Variants in STEAP3 observed in about 807,000 individuals in gnomAD.
The protein encoded by STEAP3 is STEAP3 metalloreductase, also known as metalloreductase STEAP3.
A neutral mutation model predicts 34.9 loss-of-function variants in STEAP3; 35 were observed. The ratio of observed to expected loss-of-function variants is 1.00; its 90% CI spans 0.76 to 1.33. The LOEUF (loss-of-function observed/expected upper bound fraction) is 1.33. Ranked by LOEUF, STEAP3 falls within the 40% of genes most tolerant of loss-of-function variation. The pLI is 0.00. For synonymous variants in STEAP3, 281 were observed against 301.6 expected, an observed-to-expected ratio of 0.93 and a Z score of 0.71; for missense variants, 652 against 667.6, an observed-to-expected ratio of 0.98 and a Z score of 0.26.
At chr2:119,243,824 C>T (rs993699889) in intron 2 of STEAP3, among the ~76,000 whole-genome samples, 2 of 152,194 alleles carry the variant, frequency 1.3e-5, no homozygotes, top group African/African-American at 2.4e-5. Flanking sequence ...CTCCTGGTTC[C>T]CCTGCCCCAT....
At chr2:119,227,022 A>G (rs1049842269) in intron 1 of STEAP3, among the ~76,000 whole-genome samples, 1 of 152,088 alleles carries the variant, frequency 6.6e-6, no homozygotes, top group African/African-American at 2.4e-5. Context: ...ACAAACACTT[A>G]CCGAGCACTA....
intron 5 of STEAP3, chr2:119,257,770 T>C: frequency 7.6e-7 from 1 of 1,311,842 alleles, no homozygotes; most frequent in Non-Finnish European, 9.7e-7. Context: ...TACACACATG[T>C]CCACAGCAGA....
chr2:119,234,825 C>T (rs1677048833), intron 2 of STEAP3, among the ~76,000 whole-genome samples: 1 of 152,220 alleles, frequency 6.6e-6, no homozygotes, highest in African/African-American at 2.4e-5. Context: ...CCCCACCCGC[C>T]TCCGCTGCTT....
In STEAP3 at chr2:119,254,248, C is replaced by T. The variant is rs143404486; in HGVS notation, c.1051-436C>T. Among the ~76,000 whole-genome samples, 10 of 152,010 alleles carry T rather than the reference C, an allele frequency of 6.6e-5. No homozygotes were observed. In the South Asian group the frequency reaches 1.9e-3, roughly 29 times the overall value. On this transcript the variant is annotated intron_variant, in intron 4 of 5. Coordinates refer to ENST00000393110, the MANE Select transcript of STEAP3 (RefSeq NM_182915.3). ...CTCTCCTGTCCTGGGATTCTGGGGC[C>T]GGAAAACCGTGAGACGGAGCCATGC...
intron 2 of STEAP3, among the ~76,000 whole-genome samples, chr2:119,231,454 AT>A (rs1224926126): frequency 6.6e-6 from 1 of 151,422 alleles, no homozygotes; most frequent in Non-Finnish European, 1.5e-5. Context: ...AATTTTTCTT[AT>A]TGGTAACCAT....
At chr2:119,260,329 T>TG (rs1677904304) in intron 5 of STEAP3, among the ~76,000 whole-genome samples, 1 of 151,544 alleles carries the variant, frequency 6.6e-6, no homozygotes, top group Non-Finnish European at 1.5e-5. Context: ...TCTTTTTTTT[T>TG]GAGACGGAAT....
intron 5 of STEAP3, among the ~76,000 whole-genome samples, chr2:119,261,957 C>T (rs537214569): frequency 1.3e-5 from 2 of 152,310 alleles, no homozygotes; most frequent in East Asian, 3.9e-4. Flanking sequence ...CTTCTCCCAA[C>T]GGTCACTAAT....
At chr2:119,245,434 C>T in intron 2 of STEAP3, 55 bp from the exon 3 acceptor site, 4 of 1,520,524 alleles carry the variant, frequency 2.6e-6, no homozygotes, top group Non-Finnish European at 2.6e-6. Context: ...AGGGAGGTGG[C>T]AGAAGGGGCA....
rs962664657 is a variant in STEAP3, at chr2:119,257,698, A to C, written c.1215+2850A>C. ...CATGCTGGCTTTTGAGGTAAGCTGCAACCTTCTCCTTTAAAGTTAGCGTGG... is the reference window on the plus strand; with the variant it reads ...CATGCTGGCTTTTGAGGTAAGCTGCCACCTTCTCCTTTAAAGTTAGCGTGG... On this transcript the variant is annotated intron_variant, in intron 5 of 5. Coordinates refer to ENST00000393110, the MANE Select transcript of STEAP3 (RefSeq NM_182915.3). The C allele has an allele frequency of 5.0e-6, 7 of 1,410,542 alleles. No homozygotes were observed. The Admixed American group carries it at 2.0e-4, about 41-fold the overall frequency. 87.4% of individuals were successfully genotyped at this position (1,410,542 alleles called of 1,614,324 possible).
chr2:119,257,660 C>A, intron 5 of STEAP3: 1 of 1,441,374 alleles, frequency 6.9e-7, no homozygotes, highest in Non-Finnish European at 9.1e-7. Context: ...AGGATGCGTG[C>A]AGCCAACAGT....
chr2:119,227,774 G>T (rs995790376), intron 1 of STEAP3, among the ~76,000 whole-genome samples: 1 of 152,106 alleles, frequency 6.6e-6, no homozygotes, highest in African/African-American at 2.4e-5. Context: ...AAGCCAGCAT[G>T]CTGGGGTCTG....
intron 2 of STEAP3, among the ~76,000 whole-genome samples, chr2:119,235,343 C>T (rs1017335723): frequency 4.6e-5 from 7 of 152,152 alleles, no homozygotes; most frequent in African/African-American, 7.2e-5. Flanking sequence ...CATGGATACT[C>T]GAAGCCCCCG....
intron 4 of STEAP3, among the ~76,000 whole-genome samples, chr2:119,251,695 A>G (rs1278302372): frequency 1.3e-5 from 2 of 152,076 alleles, no homozygotes; most frequent in Non-Finnish European, 2.9e-5. Flanking sequence ...CTATGCAGCT[A>G]GACTCCCTCC....
chr2:119,240,182 G>A (rs977073715), intron 2 of STEAP3, among the ~76,000 whole-genome samples: 1 of 152,196 alleles, frequency 6.6e-6, no homozygotes, highest in Non-Finnish European at 1.5e-5. Flanking sequence ...CCAGGCTGGC[G>A]ACACAGCGAG....
At chr2:119,236,877 TG>T (rs1319777671) in intron 2 of STEAP3, among the ~76,000 whole-genome samples, 1 of 152,118 alleles carries the variant, frequency 6.6e-6, no homozygotes, top group African/African-American at 2.4e-5. Flanking sequence ...ATGGCTTGCA[TG>T]GATGGCAGAG....
chr2:119,226,180 C>T (rs1187635358), intron 1 of STEAP3, among the ~76,000 whole-genome samples: 1 of 152,200 alleles, frequency 6.6e-6, no homozygotes, highest in African/African-American at 2.4e-5. Flanking sequence ...TGTCCAGCTA[C>T]AAATGAACAA....
intron 1 of STEAP3, among the ~76,000 whole-genome samples, chr2:119,227,485 A>G (rs1038497842): frequency 1.3e-5 from 2 of 152,138 alleles, no homozygotes; most frequent in African/African-American, 4.8e-5. Context: ...GCATGCCCAC[A>G]GTTACCGGGC....
intron 2 of STEAP3, among the ~76,000 whole-genome samples, chr2:119,236,711 T>A (rs907810704): frequency 6.6e-6 from 1 of 152,144 alleles, no homozygotes; most frequent in Non-Finnish European, 1.5e-5. Flanking sequence ...CACCTGCACA[T>A]CCTTCTATAA....
rs372216368 is a variant in STEAP3, at chr2:119,232,399, C to T, written c.22+1365C>T. Among the ~76,000 whole-genome samples, 6 of 152,308 alleles carry T rather than the reference C, an allele frequency of 3.9e-5. No individual in the cohort carries two copies. The South Asian group carries it at 1.0e-3, about 26-fold the overall frequency. On this transcript the variant is annotated intron_variant, in intron 2 of 5. Coordinates refer to ENST00000393110, the MANE Select transcript of STEAP3 (RefSeq NM_182915.3). ...AACCCTGTGCCCACATCCACAGGCA[C>T]GATCCCCGACTTCGCCTCGCTGGCA...
Sources: allele counts gnomAD v4.1 joint callset (sites outside exome capture counted in the v4.1 genomes callset), GRCh38; gene constraint gnomAD v4.1.1; transcripts MANE v1.5; gene names NCBI Gene and HGNC (gene_info 2026-07-23, HGNC 2026-07-21).